Variants in FOLR2 observed in about 807,000 individuals in gnomAD.
The protein encoded by FOLR2 is folate receptor 2 (fetal).
A neutral mutation model predicts 20.4 loss-of-function variants in FOLR2; 14 were observed. That is an observed-to-expected ratio of 0.68 (90% CI 0.45 to 1.07). The LOEUF is 1.07. FOLR2 is among the 50% of genes least tolerant of loss of function. The pLI, the probability that FOLR2 is intolerant of heterozygous loss-of-function variation, is 0.00. For missense variants in FOLR2, 269 were observed against 322.6 expected, an observed-to-expected ratio of 0.83 and a Z score of 1.27; for synonymous variants, 114 against 114.3, an observed-to-expected ratio of 1.00 and a Z score of 0.02.
intron 2 of FOLR2, 93 bp from the exon 3 acceptor site, chr11:72,220,777 G>T (rs373657936): frequency 6.6e-7 from 1 of 1,517,542 alleles, no homozygotes; most frequent in Non-Finnish European, 9.0e-7. Flanking sequence ...CCTGCCTAGG[G>T]CAGAGGAGTA....
rs1390965255 is a variant in FOLR2 at position 72,221,294 on chromosome 11, G to A, written c.458G>A (p.Gly153Glu). 1 of 1,613,974 alleles carries A rather than the reference G, an allele frequency of 6.2e-7. No homozygotes were observed. The highest frequency in any genetic ancestry group is 2.2e-5 in the East Asian group (1 of 44,882). The change falls in exon 4 of 5, where the codon GGA (glycine) becomes GAA (glutamate). Residue 153 changes from glycine to glutamate, a missense_variant. Gly to Glu is a moderately conservative substitution (Grantham distance 98). Coordinates refer to ENST00000298223, the MANE Select transcript of FOLR2 (RefSeq NM_000803.5). ...ACGTGCAAGAGCAACTGGCACAGAG[G>A]ATGGGACTGGACCTCAGGTGAGGGT... ...SHTCKSNWHR[G>E]WDWTSGVNKC...
In FOLR2 at chr11:72,221,331, G is replaced by C. The variant is rs920912243; in HGVS notation, c.475+20G>C. On this transcript the variant is annotated intron_variant, in intron 4 of 4. Transcript: ENST00000298223. ...CCTCAGGTGAGGGTGATTGAGTTGG[G>C]GTTAGGAAAAAGGAGATTGAGGTAG... 1 of 1,609,964 alleles carries C rather than the reference G, an allele frequency of 6.2e-7. No homozygotes were observed.
rs775593140 is a variant in FOLR2, at chr11:72,221,318, G to T, written c.475+7G>T. 9 of 1,612,916 alleles carry T rather than the reference G, an allele frequency of 5.6e-6. No individual in the cohort carries two copies. In the Admixed American group the frequency reaches 6.7e-5, roughly 12 times the overall value. On this transcript the variant is annotated splice_region_variant and intron_variant, in intron 4 of 4. Transcript: ENST00000298223. ...GGATGGGACTGGACCTCAGGTGAGG[G>T]TGATTGAGTTGGGGTTAGGAAAAAG...
Position 72,221,725 on chromosome 11 carries a change from G to A in FOLR2, c.731G>A (p.Ser244Asn). 1.2e-6 allele frequency: 2 copies of A among 1,613,996 alleles called. No individual in the cohort carries two copies. Among genetic ancestry groups the A allele is most frequent in the African/African-American group, 1.3e-5 (1 of 75,048 alleles). The change falls in exon 5 of 5, where the codon AGT becomes AAT. Residue 244 changes from serine to asparagine, a missense_variant. Ser to Asn is a conservative substitution (Grantham distance 46). Transcript: ENST00000298223. ...CATGGGACTGGGGGTCTCCTGCTCA[G>A]TCTGGCCCTGATGCTGCAACTCTGG... ...MLHGTGGLLL[S>N]LALMLQLWLL...
chr11:72,219,281 T>C (rs1402573901), intron 2 of FOLR2, among the ~76,000 whole-genome samples: 1 of 152,196 alleles, frequency 6.6e-6, no homozygotes, highest in Admixed American at 6.5e-5. Flanking sequence ...GGGCTGGACA[T>C]TCACACAGTC....
Position 72,220,862 on chromosome 11 carries a change from C to T in FOLR2, c.151-8C>T. 2 of 1,613,792 alleles carry T rather than the reference C, an allele frequency of 1.2e-6. No individual in the cohort carries two copies. The highest frequency in any genetic ancestry group is 1.7e-6 in the Non-Finnish European group (2 of 1,179,870). ...GGAGGCACTTAGTCCTGTGTCTTCC[C>T]CACCCAGTGCAGTCCCTGGAAGAAG... On this transcript the variant is annotated splice_polypyrimidine_tract_variant and splice_region_variant and intron_variant, in intron 2 of 4. Coordinates refer to ENST00000298223, the MANE Select transcript of FOLR2 (RefSeq NM_000803.5).
Position 72,218,584 on chromosome 11 carries a change from C to T in FOLR2, c.-1C>T. ...AGCTCCGCCTGCAGGGACAGAAAGA[C>T]ATGGTCTGGAAATGGATGCCACTTC... On this transcript the variant is annotated 5_prime_UTR_variant, in exon 2 of 5. Coordinates refer to ENST00000298223, the MANE Select transcript of FOLR2 (RefSeq NM_000803.5). 3.7e-6 allele frequency: 6 copies of T among 1,613,104 alleles called. No homozygotes were observed. The highest frequency in any genetic ancestry group is 5.1e-6 in the Non-Finnish European group (6 of 1,179,490).
At chr11:72,219,330 C>T (rs1009977989) in intron 2 of FOLR2, among the ~76,000 whole-genome samples, 1 of 152,206 alleles carries the variant, frequency 6.6e-6, no homozygotes, top group African/African-American at 2.4e-5. Flanking sequence ...CCTTATTAGA[C>T]TCAATGTCTC....
At chr11:72,217,527 G>C in intron 1 of FOLR2, 1 of 574,896 alleles carries the variant, frequency 1.7e-6, no homozygotes, top group South Asian at 1.6e-5. Context: ...TGTAATGGCT[G>C]GGGGTGGGGG....
Position 72,221,067 on chromosome 11 carries a change from T to TGGGGGGGGGGGGCCCCCCCCCCC in FOLR2, c.339+9_339+10insGGGGGGGGGGGGCCCCCCCCCCC. 6.4e-7 allele frequency: 1 copy of TGGGGGGGGGGGGCCCCCCCCCCC among 1,570,114 alleles called. No individual in the cohort carries two copies. Among genetic ancestry groups the TGGGGGGGGGGGGCCCCCCCCCCC allele is most frequent in the Non-Finnish European group, 8.7e-7 (1 of 1,154,914 alleles). On this transcript the variant is annotated intron_variant, in intron 3 of 4. Transcript: ENST00000298223. ...GGCCCTGGATCCAGCAGGTAGGGTGTCTCCCCCCCACCCACCCCAGCAGAC... is the reference window on the plus strand; with the variant it reads ...GGCCCTGGATCCAGCAGGTAGGGTGTGGGGGGGGGGGGCCCCCCCCCCCCTCCCCCCCACCCACCCCAGCAGAC...
At chr11:72,218,899 G>T (rs1027620507) in intron 2 of FOLR2, among the ~76,000 whole-genome samples, 165 bp downstream of exon 2, 2 of 152,190 alleles carry the variant, frequency 1.3e-5, no homozygotes, top group African/African-American at 4.8e-5. Flanking sequence ...GGTGATTTTA[G>T]GGGGGCCCTC....
intron 1 of FOLR2, among the ~76,000 whole-genome samples, chr11:72,217,708 A>G (rs1948414605): frequency 6.6e-6 from 1 of 152,050 alleles, no homozygotes. Flanking sequence ...TTAAACTTCT[A>G]TCGTTTTTCA....
rs1948431261 is a variant in FOLR2, at chr11:72,218,574, G to C, written c.-11G>C. ...TCCCTACCCTAGCTCCGCCTGCAGG[G>C]ACAGAAAGACATGGTCTGGAAATGG... On this transcript the variant is annotated 5_prime_UTR_variant, in exon 2 of 5. Coordinates refer to ENST00000298223, the MANE Select transcript of FOLR2 (RefSeq NM_000803.5). 1.2e-6 allele frequency: 2 copies of C among 1,612,072 alleles called. No homozygotes were observed. Among genetic ancestry groups the C allele is most frequent in the Non-Finnish European group, 1.7e-6 (2 of 1,179,058 alleles).
At chr11:72,219,610 C>T (rs1487692667) in intron 2 of FOLR2, among the ~76,000 whole-genome samples, 1 of 152,138 alleles carries the variant, frequency 6.6e-6, no homozygotes, top group African/African-American at 2.4e-5. Flanking sequence ...AAGATTGATA[C>T]AGGTATATTC....
Position 72,217,468 on chromosome 11 carries a change from G to A in FOLR2, c.-25+543G>A, listed in dbSNP as rs958110147. ...GACCTTTACCAGAGAGGGAGAGGAA[G>A]CAGTATCCATTATCCACTCTTTAGT... On this transcript the variant is annotated intron_variant, in intron 1 of 4. Coordinates refer to ENST00000298223, the MANE Select transcript of FOLR2 (RefSeq NM_000803.5). 1.2e-5 allele frequency: 13 copies of A among 1,045,848 alleles called. No individual in the cohort carries two copies. In the Admixed American group the frequency reaches 1.6e-4, roughly 13 times the overall value. The allele number at this position is 1,045,848 out of a possible 1,614,324, so 64.8% of individuals were successfully genotyped here.
Position 72,221,488 on chromosome 11 carries a change from C to A in FOLR2, c.494C>A (p.Ala165Asp). Residue 165 changes from alanine to aspartate, a missense_variant, in exon 5 of 5, where the codon GCT (alanine) becomes GAT (aspartate). Physicochemically the swap from Ala to Asp is moderately radical, Grantham distance 126. Coordinates refer to ENST00000298223, the MANE Select transcript of FOLR2 (RefSeq NM_000803.5). ...DWTSGVNKCP[A>D]GALCRTFESY... Reference sequence around the variant, plus strand: ...CCTGCAGGAGTTAACAAGTGCCCAGCTGGGGCTCTCTGCCGCACCTTTGAG... The same window carrying A: ...CCTGCAGGAGTTAACAAGTGCCCAGATGGGGCTCTCTGCCGCACCTTTGAG... 1 of 1,613,886 alleles carries A rather than the reference C, an allele frequency of 6.2e-7. No homozygotes were observed. Among genetic ancestry groups the A allele is most frequent in the Non-Finnish European group, 8.5e-7 (1 of 1,179,830 alleles).
In FOLR2 at chr11:72,221,289, CAG is replaced by C. The variant is rs1193437269; in HGVS notation, c.456_457del (p.Gly153MetfsTer8). 1 of 1,613,940 alleles carries C rather than the reference CAG, an allele frequency of 6.2e-7. No homozygotes were observed. Among genetic ancestry groups the C allele is most frequent in the South Asian group, 1.1e-5 (1 of 91,076 alleles). On this transcript the variant is annotated frameshift_variant, in exon 4 of 5. Transcript: ENST00000298223. LOFTEE classifies it low-confidence loss of function (END_TRUNC). ...CCCACACGTGCAAGAGCAACTGGCA[CAG>C]AGGATGGGACTGGACCTCAGGTGAG... ...TSHTCKSNWH[R>X]GWDWTSGVNK...
Position 72,221,067 on chromosome 11 carries a change from T to TCGGGGGGCGGCCCCCCCCCCCCCCC in FOLR2, c.339+10_339+11insGGGGGGCGGCCCCCCCCCCCCCCCC. On this transcript the variant is annotated intron_variant, in intron 3 of 4. Transcript: ENST00000298223. The stretch of plus-strand genomic sequence containing the variant: ...GGCCCTGGATCCAGCAGGTAGGGTG[T>TCGGGGGGCGGCCCCCCCCCCCCCCC]CTCCCCCCCACCCACCCCAGCAGAC... 1 of 1,570,118 alleles carries TCGGGGGGCGGCCCCCCCCCCCCCCC rather than the reference T, an allele frequency of 6.4e-7. No individual in the cohort carries two copies. The highest frequency in any genetic ancestry group is 8.7e-7 in the Non-Finnish European group (1 of 1,154,914).
chr11:72,219,579 A>G (rs1014701471), intron 2 of FOLR2, among the ~76,000 whole-genome samples: 8 of 152,214 alleles, frequency 5.3e-5, no homozygotes, highest in African/African-American at 1.9e-4. Flanking sequence ...TAAAATCATT[A>G]TAAGTGGGGA....
Sources: allele counts gnomAD v4.1 joint callset (sites outside exome capture counted in the v4.1 genomes callset), GRCh38; gene constraint gnomAD v4.1.1; transcripts MANE v1.5; gene names NCBI Gene and HGNC (gene_info 2026-07-23, HGNC 2026-07-21).